Variants in CSRNP3 observed in about 807,000 individuals in gnomAD.
CSRNP3 encodes the protein cysteine and serine rich nuclear protein 3, also known as cysteine/serine-rich nuclear protein 3.
Under a neutral mutation model 48.0 loss-of-function variants are expected in CSRNP3, and 12 were observed. That is an observed-to-expected ratio of 0.25 (90% CI 0.16 to 0.41). CSRNP3 has a LOEUF of 0.41. Ranked by LOEUF, CSRNP3 falls within the 10% of genes least tolerant of loss-of-function variation. The probability of loss-of-function intolerance (pLI) is 1.00; values close to 1 mark genes in which losing one functional copy is unlikely to be tolerated. For synonymous variants in CSRNP3, 263 were observed against 269.7 expected, an observed-to-expected ratio of 0.98 and a Z score of 0.24; for missense variants, 580 against 724.4, an observed-to-expected ratio of 0.80 and a Z score of 2.29.
chr2:165,597,494 AT>A (rs1044517531), intron 4 of CSRNP3, among the ~76,000 whole-genome samples: 5 of 151,984 alleles, frequency 3.3e-5, no homozygotes, highest in African/African-American at 7.2e-5. Flanking sequence ...TACATGGACA[AT>A]TTTTTTTAAT....
At position 165,680,015 on chromosome 2, in the gene CSRNP3, C is replaced by CAG. The variant is rs1254402635; in HGVS notation, c.*262_*263insAG. 1 of 447,868 alleles carries CAG rather than the reference C, an allele frequency of 2.2e-6. No homozygotes were observed. Among genetic ancestry groups the CAG allele is most frequent in the Non-Finnish European group, 3.9e-6 (1 of 255,644 alleles). 27.7% of individuals were successfully genotyped at this position (447,868 alleles called of 1,614,324 possible). A position where few individuals can be genotyped will look rare whatever the true frequency, so the allele number is the denominator to read the frequency against. ...AAAATGCATATCTCACAGTTGCCTA[C>CAG]CTGTCAAACTGTGTGAAACCTGCCA... On this transcript the variant is annotated 3_prime_UTR_variant, in exon 7 of 7. Coordinates refer to ENST00000651982, the MANE Select transcript of CSRNP3 (RefSeq NM_001172173.2).
At chr2:165,617,346 T>C (rs1686264869) in intron 4 of CSRNP3, among the ~76,000 whole-genome samples, 1 of 150,772 alleles carries the variant, frequency 6.6e-6, no homozygotes, top group African/African-American at 2.5e-5. Flanking sequence ...ATCTATAGTG[T>C]AAATTGGATA....
chr2:165,629,395 A>G (rs1686494415), intron 4 of CSRNP3, among the ~76,000 whole-genome samples: 1 of 152,208 alleles, frequency 6.6e-6, no homozygotes, highest in African/African-American at 2.4e-5. Flanking sequence ...GAACTCTCCT[A>G]TAACCATGTC....
intron 1 of CSRNP3, among the ~76,000 whole-genome samples, chr2:165,489,938 T>C (rs1354386886): frequency 6.6e-6 from 1 of 151,232 alleles, no homozygotes; most frequent in Non-Finnish European, 1.5e-5. Flanking sequence ...GTGTTGGAAG[T>C]TCTGGCCAGG....
At chr2:165,478,412 T>C (rs1333696146) in intron 1 of CSRNP3, among the ~76,000 whole-genome samples, 1 of 152,210 alleles carries the variant, frequency 6.6e-6, no homozygotes, top group Non-Finnish European at 1.5e-5. Flanking sequence ...GTTGTGCTTT[T>C]AAACTTCAAA....
At chr2:165,605,332 C>T (rs912062566) in intron 4 of CSRNP3, among the ~76,000 whole-genome samples, 2 of 152,016 alleles carry the variant, frequency 1.3e-5, no homozygotes, top group Non-Finnish European at 2.9e-5. Context: ...AACAATGTTC[C>T]CATGACTGAC....
chr2:165,624,255 A>C (rs574461416), intron 4 of CSRNP3, among the ~76,000 whole-genome samples: 4 of 152,192 alleles, frequency 2.6e-5, no homozygotes, highest in Non-Finnish European at 5.9e-5. Context: ...CTGAAGCTGA[A>C]GGTAAAATAG....
chr2:165,583,940 G>A (rs1685587255), intron 3 of CSRNP3, among the ~76,000 whole-genome samples: 1 of 152,130 alleles, frequency 6.6e-6, no homozygotes, highest in Non-Finnish European at 1.5e-5. Context: ...AAGTAAAGTG[G>A]TGAAAGAATA....
intron 3 of CSRNP3, among the ~76,000 whole-genome samples, chr2:165,522,892 A>G (rs1684682256): frequency 6.6e-6 from 1 of 151,978 alleles, no homozygotes; most frequent in Middle Eastern, 3.2e-3. Context: ...TACAGGAGCA[A>G]TTATACCACT....
At chr2:165,516,708 A>G (rs1006553281) in intron 2 of CSRNP3, among the ~76,000 whole-genome samples, 5 of 152,140 alleles carry the variant, frequency 3.3e-5, no homozygotes, top group African/African-American at 1.2e-4. Flanking sequence ...AAACTGACTC[A>G]ATAACCTCTA....
At chr2:165,480,398 G>A (rs575365495) in intron 1 of CSRNP3, among the ~76,000 whole-genome samples, 3 of 152,210 alleles carry the variant, frequency 2.0e-5, no homozygotes, top group African/African-American at 4.8e-5. Flanking sequence ...AGGGTTATAC[G>A]GGCACAGGGT....
intron 2 of CSRNP3, among the ~76,000 whole-genome samples, chr2:165,511,122 A>G (rs781076221): frequency 6.6e-6 from 1 of 152,234 alleles, no homozygotes; most frequent in Non-Finnish European, 1.5e-5. Flanking sequence ...GAAGATAATG[A>G]CAGAACTTAC....
intron 5 of CSRNP3, among the ~76,000 whole-genome samples, chr2:165,676,024 T>C (rs909417019): frequency 6.6e-6 from 1 of 152,212 alleles, no homozygotes; most frequent in East Asian, 1.9e-4. Flanking sequence ...CTTTGGTGTT[T>C]TTCACATAGC....
intron 1 of CSRNP3, among the ~76,000 whole-genome samples, chr2:165,493,994 C>T (rs1684253764): frequency 6.6e-6 from 1 of 152,112 alleles, no homozygotes; most frequent in South Asian, 2.1e-4. Flanking sequence ...TTTAGTGATT[C>T]ATCTAAATTG....
chr2:165,592,769 A>G (rs1381761881), intron 3 of CSRNP3, among the ~76,000 whole-genome samples: 1 of 148,852 alleles, frequency 6.7e-6, no homozygotes, highest in Non-Finnish European at 1.5e-5. Context: ...CTCCCCAGCC[A>G]TGTGTAACTG....
At chr2:165,535,288 A>T (rs1195009287) in intron 3 of CSRNP3, among the ~76,000 whole-genome samples, 3 of 151,652 alleles carry the variant, frequency 2.0e-5, no homozygotes, top group Non-Finnish European at 4.4e-5. Flanking sequence ...GCTGGGGACT[A>T]GGTATATTCT....
intron 2 of CSRNP3, among the ~76,000 whole-genome samples, chr2:165,503,304 A>G (rs1321394359): frequency 6.6e-6 from 1 of 151,966 alleles, no homozygotes; most frequent in East Asian, 1.9e-4. Context: ...TTTTCCTAAA[A>G]TCATATATTG....
At chr2:165,625,777 A>G (rs1686421434) in intron 4 of CSRNP3, among the ~76,000 whole-genome samples, 1 of 151,286 alleles carries the variant, frequency 6.6e-6, no homozygotes, top group Non-Finnish European at 1.5e-5. Context: ...TACTAAAAGT[A>G]CAAAAATTAG....
At chr2:165,580,693 A>AT (rs1685529588) in intron 3 of CSRNP3, among the ~76,000 whole-genome samples, 1 of 152,166 alleles carries the variant, frequency 6.6e-6, no homozygotes, top group Admixed American at 6.5e-5. Context: ...AAAGGATATC[A>AT]TTATCTTAAA....
Sources: allele counts gnomAD v4.1 joint callset (sites outside exome capture counted in the v4.1 genomes callset), GRCh38; gene constraint gnomAD v4.1.1; transcripts MANE v1.5; gene names NCBI Gene and HGNC (gene_info 2026-07-23, HGNC 2026-07-21).